TMEM232: variants seen among roughly 807,000 people sequenced by gnomAD.
TMEM232 encodes the protein transmembrane protein 232.
A neutral mutation model predicts 78.8 loss-of-function variants in TMEM232; 80 were observed. The observed-to-expected ratio is 1.01, with a 90% CI of 0.85 to 1.22. The LOEUF (loss-of-function observed/expected upper bound fraction) is 1.22. Among genes scored for constraint, TMEM232 ranks in the 50% most tolerant of loss-of-function variants. TMEM232 has a pLI of 0.00. For missense variants in TMEM232, 881 were observed against 742.2 expected (o/e 1.19, Z -2.17); for synonymous variants, 297 against 254.3 (o/e 1.17, Z -1.60).
intron 12 of TMEM232, among the ~76,000 whole-genome samples, chr5:110,475,445 ATTTT>A (rs61667699): frequency 2.4e-4 from 26 of 110,132 alleles, no homozygotes; most frequent in South Asian, 1.6e-3. Flanking sequence ...TTATACTTTG[ATTTT>A]TTTTTTTTTT....
In TMEM232 at chr5:110,420,605, A is replaced by G; in HGVS notation, c.1949T>C (p.Leu650Pro). Residue 650 changes from leucine (L) to proline (P), a missense_variant, in exon 14 of 14, where the codon CTT becomes CCT. Coordinates refer to ENST00000455884, the MANE Select transcript of TMEM232 (RefSeq NM_001039763.4). ...KLHKQTKPYE[L>P]PYRKEVI ...TTAAATTACTTCCTTCCTATAAGGA[A>G]GTTCATAGGGCTTGGTTTGCTTATG... is the stretch of plus-strand genomic sequence containing the variant. 1 of 1,481,134 alleles carries G rather than the reference A, an allele frequency of 6.8e-7. No homozygotes were observed. The highest frequency in any genetic ancestry group is 8.9e-7 in the Non-Finnish European group (1 of 1,129,910). 91.7% of individuals were successfully genotyped at this position (1,481,134 alleles called of 1,614,324 possible).
At chr5:110,544,983 T>A (rs1773599123) in intron 11 of TMEM232, among the ~76,000 whole-genome samples, 1 of 151,574 alleles carries the variant, frequency 6.6e-6, no homozygotes, top group South Asian at 2.1e-4. Flanking sequence ...ACTAGTTACG[T>A]GATCTTCCAC....
At chr5:110,517,025 C>A (rs2149488457) in intron 12 of TMEM232, among the ~76,000 whole-genome samples, 1 of 152,240 alleles carries the variant, frequency 6.6e-6, no homozygotes, top group South Asian at 2.1e-4. Flanking sequence ...TGTGCCCCAC[C>A]TTCTATAGGA....
intron 12 of TMEM232, among the ~76,000 whole-genome samples, chr5:110,500,538 T>C (rs1766150002): frequency 6.6e-6 from 1 of 152,068 alleles, no homozygotes; most frequent in African/African-American, 2.4e-5. Flanking sequence ...AAGCAGAGTT[T>C]AGAGGGAAAT....
chr5:110,737,813 T>A (rs1004562400), intron 1 of TMEM232, among the ~76,000 whole-genome samples: 1 of 152,248 alleles, frequency 6.6e-6, no homozygotes, highest in Non-Finnish European at 1.5e-5. Context: ...GATTACTATA[T>A]ATTTTAAAAT....
chr5:110,620,566 A>C (rs1783501406), intron 7 of TMEM232, among the ~76,000 whole-genome samples: 2 of 120,822 alleles, frequency 1.7e-5, no homozygotes, highest in Non-Finnish European at 3.2e-5. Context: ...TCCTTGTGGT[A>C]TGTCTCTCAT....
intron 11 of TMEM232, among the ~76,000 whole-genome samples, chr5:110,553,441 T>G (rs768994554): frequency 6.6e-6 from 1 of 152,164 alleles, no homozygotes; most frequent in Non-Finnish European, 1.5e-5. Context: ...ATATCTTTTT[T>G]TCCCTGTTGA....
intron 7 of TMEM232, among the ~76,000 whole-genome samples, chr5:110,620,192 T>A (rs1180972878): frequency 6.6e-6 from 1 of 152,142 alleles, no homozygotes; most frequent in Non-Finnish European, 1.5e-5. Flanking sequence ...CGTGGAGAAA[T>A]AAAAAGCATC....
intron 4 of TMEM232, among the ~76,000 whole-genome samples, chr5:110,389,264 C>CAAAT (rs778519310): frequency 1.7e-4 from 19 of 111,930 alleles, no homozygotes; most frequent in African/African-American, 1.1e-3. Flanking sequence ...CCATCTCAAA[C>CAAAT]AAACAAACAA....
At chr5:110,576,128 GA>G (rs1338475631) in intron 10 of TMEM232, among the ~76,000 whole-genome samples, 5 of 151,996 alleles carry the variant, frequency 3.3e-5, no homozygotes, top group Admixed American at 6.6e-5. Context: ...CCTACTTTTT[GA>G]AAACCCCATT....
chr5:110,393,673 T>C (rs1755283067), intron 3 of TMEM232, among the ~76,000 whole-genome samples: 2 of 152,138 alleles, frequency 1.3e-5, no homozygotes, highest in South Asian at 4.1e-4. Context: ...AAATGTAAAA[T>C]AGGCTGGGTG....
At chr5:110,497,706 G>C (rs941204525) in intron 12 of TMEM232, among the ~76,000 whole-genome samples, 2 of 152,172 alleles carry the variant, frequency 1.3e-5, no homozygotes, top group Middle Eastern at 3.4e-3. Context: ...AGAACTTTCT[G>C]ATGTTTCCCC....
At chr5:110,577,975 C>G (rs956376367) in intron 10 of TMEM232, among the ~76,000 whole-genome samples, 1 of 151,650 alleles carries the variant, frequency 6.6e-6, no homozygotes, top group African/African-American at 2.4e-5. Context: ...CAACCAATCC[C>G]CATGACACAA....
intron 11 of TMEM232, among the ~76,000 whole-genome samples, chr5:110,548,798 A>C (rs902866526): frequency 1.3e-4 from 20 of 152,142 alleles, no homozygotes; most frequent in Non-Finnish European, 2.8e-4. Context: ...TAAAAGATGG[A>C]AATAGATATA....
intron 12 of TMEM232, among the ~76,000 whole-genome samples, chr5:110,521,108 G>A (rs1011615935): frequency 1.3e-5 from 2 of 152,070 alleles, no homozygotes; most frequent in African/African-American, 2.4e-5. Flanking sequence ...CTAAGGCCTT[G>A]TTGTGGGCTG....
At chr5:110,728,715 T>C (rs1238417309), upstream of TMEM232, among the ~76,000 whole-genome samples, 1 of 125,360 alleles carries the variant, frequency 8.0e-6, no homozygotes, top group Non-Finnish European at 1.8e-5. Context: ...TATATATACC[T>C]ATATATATAT....
At chr5:110,512,431 T>C (rs1280748303) in intron 12 of TMEM232, among the ~76,000 whole-genome samples, 1 of 152,186 alleles carries the variant, frequency 6.6e-6, no homozygotes, top group Non-Finnish European at 1.5e-5. Context: ...TTTTTCTTTA[T>C]ATTCCCAGAG....
chr5:110,565,037 C>T (rs1012137412), intron 11 of TMEM232, among the ~76,000 whole-genome samples: 1 of 151,930 alleles, frequency 6.6e-6, no homozygotes, highest in African/African-American at 2.4e-5. Flanking sequence ...TACTTCATAG[C>T]TTACTTATCC....
rs563773193 is a variant in TMEM232 at position 110,596,380 on chromosome 5, C to A, written c.1276+8729G>T. On this transcript the variant is annotated intron_variant, in intron 10 of 13. Coordinates refer to ENST00000455884, the MANE Select transcript of TMEM232 (RefSeq NM_001039763.4). ...AAGTGTGGCAATAATCAATAGCTTACCAACCAAAAAGAGTCCAGGACCAGA... is the reference window on the plus strand; with the variant it reads ...AAGTGTGGCAATAATCAATAGCTTAACAACCAAAAAGAGTCCAGGACCAGA... Among the ~76,000 whole-genome samples, 199 of 152,198 alleles carry A rather than the reference C, an allele frequency of 1.3e-3. 1 individual carries two copies. The highest frequency in any genetic ancestry group is 4.5e-3 in the African/African-American group (188 of 41,516).
Sources: allele counts gnomAD v4.1 joint callset (sites outside exome capture counted in the v4.1 genomes callset), GRCh38; gene constraint gnomAD v4.1.1; transcripts MANE v1.5; gene names NCBI Gene and HGNC (gene_info 2026-07-23, HGNC 2026-07-21).